Variants in MAPDA observed in about 807,000 individuals in gnomAD.
MAPDA encodes N6,N6-dimethyl-AMP deaminase.
At chr15:43,330,691 C>T in the MAPDA span, 1 of 507,650 alleles carries the variant, frequency 2.0e-6, no homozygotes, top group African/African-American at 2.0e-5. Context: ...GCTAAGTTCG[C>T]TTGCGGCTGA....
At chr15:43,353,396 C>T in the MAPDA span, 2 of 152,290 alleles carry the variant, frequency 1.3e-5, no homozygotes, top group East Asian at 3.9e-4. Context: ...AGGCTGATGA[C>T]ACCCCTAATT....
the MAPDA span, chr15:43,335,786 A>G: frequency 1.2e-6 from 2 of 1,614,020 alleles, no homozygotes; most frequent in South Asian, 2.2e-5. Flanking sequence ...CCACGATCAG[A>G]TGACTGTGAT....
At chr15:43,345,867 G>A in the MAPDA span, 1 of 1,614,168 alleles carries the variant, frequency 6.2e-7, no homozygotes, top group East Asian at 2.2e-5. Context: ...TTTGATAGCA[G>A]TTGACAGAAG....
At chr15:43,354,494 A>G in the MAPDA span, 1 of 152,256 alleles carries the variant, frequency 6.6e-6, no homozygotes, top group African/African-American at 2.4e-5. Context: ...CAATGAAAAT[A>G]TGGTTATAAA....
the MAPDA span, among the ~76,000 whole-genome samples, chr15:43,348,694 T>C: frequency 6.6e-6 from 1 of 152,208 alleles, no homozygotes; most frequent in African/African-American, 2.4e-5. Flanking sequence ...TCTTAATAAG[T>C]GTTTATTATT....
chr15:43,349,084 G>A, the MAPDA span: 1 of 1,613,648 alleles, frequency 6.2e-7, no homozygotes, highest in East Asian at 2.2e-5. Flanking sequence ...ATGACTCTCT[G>A]TCTCTCCCCC....
chr15:43,335,735 A>G, the MAPDA span: 1 of 1,613,920 alleles, frequency 6.2e-7, no homozygotes, highest in Non-Finnish European at 8.5e-7. Flanking sequence ...TAGTTCTCAT[A>G]CCATGAAGAA....
chr15:43,340,411 A>C, the MAPDA span: 1 of 1,431,716 alleles, frequency 7.0e-7, no homozygotes, highest in South Asian at 1.2e-5. Flanking sequence ...TTGATCACTC[A>C]CATGTTTGTG....
chr15:43,335,210 T>G, the MAPDA span: 1 of 1,596,532 alleles, frequency 6.3e-7, no homozygotes, highest in African/African-American at 1.3e-5. Context: ...GGTTGCTAAT[T>G]ATAATGACTT....
At chr15:43,347,152 T>A in the MAPDA span, 1 of 1,419,846 alleles carries the variant, frequency 7.0e-7, no homozygotes. Flanking sequence ...AATAATAGGG[T>A]CATTTGTAAG....
At chr15:43,345,761 C>T in the MAPDA span, 3 of 1,472,056 alleles carry the variant, frequency 2.0e-6, no homozygotes, top group Non-Finnish European at 2.8e-6. Flanking sequence ...AGATGTATTA[C>T]ACGTAGTCTG....
chr15:43,341,664 C>CG, the MAPDA span, among the ~76,000 whole-genome samples: 1 of 53,548 alleles, frequency 1.9e-5, no homozygotes, highest in African/African-American at 6.4e-4. Context: ...CATCATAAGA[C>CG]CCCCCCCACC....
At chr15:43,347,413 GA>G in the MAPDA span, among the ~76,000 whole-genome samples, 825 of 152,224 alleles carry the variant, frequency 5.4e-3, 37 homozygotes, top group East Asian at 0.12. Flanking sequence ...CTGACTCTAA[GA>G]AAAGCACCAA....
chr15:43,349,089 TC>T, the MAPDA span: 2 of 1,612,436 alleles, frequency 1.2e-6, no homozygotes, highest in Non-Finnish European at 1.7e-6. Flanking sequence ...TCTCTGTCTC[TC>T]CCCCAATCCC....
chr15:43,351,025 A>C, the MAPDA span: 4 of 1,551,446 alleles, frequency 2.6e-6, no homozygotes, highest in African/African-American at 5.5e-5. Flanking sequence ...AGCATTGCCC[A>C]TCCTTCTGTG....
the MAPDA span, among the ~76,000 whole-genome samples, chr15:43,336,103 G>A: frequency 1.3e-5 from 2 of 152,142 alleles, no homozygotes; most frequent in African/African-American, 2.4e-5. Flanking sequence ...GTGCAGTGGC[G>A]TGACCACAGA....
chr15:43,336,827 TG>T, the MAPDA span: 1 of 584,934 alleles, frequency 1.7e-6, no homozygotes, highest in Non-Finnish European at 2.8e-6. Context: ...TCAAAACCTA[TG>T]TAAGTCATTT....
the MAPDA span, chr15:43,330,736 C>T: frequency 2.3e-6 from 1 of 432,222 alleles, no homozygotes; most frequent in African/African-American, 2.1e-5. Flanking sequence ...CCATTTGTCC[C>T]AGAATACGGT....
chr15:43,333,203 A>G, the MAPDA span: 1 of 152,208 alleles, frequency 6.6e-6, no homozygotes, highest in Non-Finnish European at 1.5e-5. Flanking sequence ...TGAGCCCAGG[A>G]GTTTGAGACC....
Sources: allele counts gnomAD v4.1 joint callset (sites outside exome capture counted in the v4.1 genomes callset), GRCh38; gene constraint gnomAD v4.1.1; transcripts MANE v1.5; gene names NCBI Gene and HGNC (gene_info 2026-07-23, HGNC 2026-07-21).